The following PCDH15 variants were observed in gnomAD, a reference collection of about 807,000 sequenced individuals.
The protein encoded by PCDH15 is protocadherin related 15, also known as protocadherin-15.
Under a neutral mutation model 178.5 loss-of-function variants are expected in PCDH15, and 129 were observed. The ratio of observed to expected loss-of-function variants is 0.72; its 90% confidence interval spans 0.63 to 0.84. The LOEUF (loss-of-function observed/expected upper bound fraction) is 0.84, where lower values mean the gene tolerates loss of function less well. PCDH15 is among the 40% of genes least tolerant of loss of function. The probability of loss-of-function intolerance (pLI) is 0.00; values close to 1 mark genes in which losing one functional copy is unlikely to be tolerated. For missense variants in PCDH15, 2,230 were observed against 2,099.9 expected (o/e 1.06, Z -1.21); for synonymous variants, 800 against 732.0 (o/e 1.09, Z -1.50).
intron 2 of PCDH15, among the ~76,000 whole-genome samples, chr10:54,902,772 T>C (rs1456081051): frequency 6.6e-6 from 1 of 152,166 alleles, no homozygotes; most frequent in African/African-American, 2.4e-5. Context: ...AATAAATTCA[T>C]GGAATGTTTG....
chr10:54,081,495 C>T (rs1386615861), intron 16 of PCDH15, among the ~76,000 whole-genome samples: 9 of 151,918 alleles, frequency 5.9e-5, no homozygotes, highest in South Asian at 2.1e-4. Context: ...ATGTAATACG[C>T]GGGCCTTGCG....
At chr10:54,942,629 CATT>C in intron 2 of PCDH15, among the ~76,000 whole-genome samples, 1 of 152,124 alleles carries the variant, frequency 6.6e-6, no homozygotes, top group South Asian at 2.1e-4. Flanking sequence ...CATCTGCACA[CATT>C]ATAATCTCAG....
chr10:54,026,719 G>A (rs143933304), intron 18 of PCDH15, among the ~76,000 whole-genome samples: 1 of 152,280 alleles, frequency 6.6e-6, no homozygotes, highest in East Asian at 1.9e-4. Context: ...TGCAGAAAAA[G>A]CGTTTGACAA....
intron 1 of PCDH15, among the ~76,000 whole-genome samples, chr10:55,225,708 G>C (rs983250319): frequency 1.3e-5 from 2 of 151,548 alleles, no homozygotes; most frequent in East Asian, 3.9e-4. Flanking sequence ...AAAAGCAGGA[G>C]GATTAATTAA....
Position 54,564,461 on chromosome 10 carries a change from T to C in PCDH15, c.92-36584A>G, listed in dbSNP as rs368858552. Among the ~76,000 whole-genome samples, 24 of 152,280 alleles carry C rather than the reference T, an allele frequency of 1.6e-4. No homozygotes were observed. In the East Asian group the frequency reaches 2.1e-3, roughly 13 times the overall value. On this transcript the variant is annotated intron_variant, in intron 2 of 37. Transcript: ENST00000644397. ...GCTGTTTCCATGTTTACCTTTAGTG[T>C]AGTAGATAAAGGCTATCTCAAATAA...
At chr10:55,622,012 T>C (rs1472164506) in intron 2 of PCDH15, among the ~76,000 whole-genome samples, 2 of 142,338 alleles carry the variant, frequency 1.4e-5, no homozygotes, top group Non-Finnish European at 3.0e-5. Flanking sequence ...TATGTATATA[T>C]AATAAATATT....
intron 14 of PCDH15, among the ~76,000 whole-genome samples, chr10:54,147,518 TATAAG>T (rs1188034137): frequency 6.6e-6 from 1 of 151,818 alleles, no homozygotes; most frequent in Non-Finnish European, 1.5e-5. Context: ...AAAAGAGGAA[TATAAG>T]ATCTCATTCA....
intron 2 of PCDH15, among the ~76,000 whole-genome samples, chr10:54,661,927 T>G (rs1358607541): frequency 1.3e-5 from 2 of 151,806 alleles, no homozygotes; most frequent in Non-Finnish European, 2.9e-5. Flanking sequence ...AAATTTAAAT[T>G]TAAGACCTAA....
intron 2 of PCDH15, among the ~76,000 whole-genome samples, chr10:54,597,135 C>T (rs933779254): frequency 1.1e-4 from 16 of 152,224 alleles, no homozygotes; most frequent in Admixed American, 2.6e-4. Context: ...CAAAAAACAA[C>T]ATAATGTACA....
chr10:53,891,323 G>T (rs890846940), intron 26 of PCDH15, among the ~76,000 whole-genome samples: 2 of 152,092 alleles, frequency 1.3e-5, no homozygotes, highest in Non-Finnish European at 2.9e-5. Flanking sequence ...TGGAGGATGT[G>T]GCCTTTGAAA....
intron 2 of PCDH15, among the ~76,000 whole-genome samples, chr10:55,401,166 C>G (rs1296762358): frequency 6.6e-6 from 1 of 151,970 alleles, no homozygotes; most frequent in Non-Finnish European, 1.5e-5. Flanking sequence ...AAACTAGCTT[C>G]GGGAACACTA....
chr10:54,106,945 T>C (rs1214797861), intron 15 of PCDH15, among the ~76,000 whole-genome samples: 1 of 152,218 alleles, frequency 6.6e-6, no homozygotes, highest in Non-Finnish European at 1.5e-5. Flanking sequence ...GATCAGTTTA[T>C]TCAAGAAATA....
rs2094620476 is a variant in PCDH15 at position 54,092,705 on chromosome 10, G to A, written c.1918-2642C>T. Among the ~76,000 whole-genome samples, 4 of 152,074 alleles carry A rather than the reference G, an allele frequency of 2.6e-5. No individual in the cohort carries two copies. The South Asian group carries it at 8.3e-4, about 31-fold the overall frequency. On this transcript the variant is annotated intron_variant, in intron 15 of 37. Coordinates refer to ENST00000644397, the MANE Select transcript of PCDH15 (RefSeq NM_001384140.1). ...TTCCCTTGCATTCTGTTCTTTGCTA[G>A]ATAGGAACCACAAATAATGATACTC...
intron 2 of PCDH15, among the ~76,000 whole-genome samples, chr10:55,023,742 A>C (rs1007129755): frequency 8.5e-6 from 1 of 118,060 alleles, no homozygotes; most frequent in Admixed American, 8.6e-5. Flanking sequence ...ACAGTGTCTC[A>C]AATATCCTAT....
intron 1 of PCDH15, among the ~76,000 whole-genome samples, chr10:55,318,109 G>A (rs565226498): frequency 2.0e-5 from 3 of 151,950 alleles, no homozygotes; most frequent in Non-Finnish European, 4.4e-5. Flanking sequence ...CTTTGGTACT[G>A]ATGGAGCAAA....
rs546581054 is a variant in PCDH15, at chr10:53,806,267, TATAA to T, written c.*308_*311del. ...GCATAATCTATGTTAATCAATAAAA[TATAA>T]ATGATTATTTAGTAATTATTTCTTG... On this transcript the variant is annotated 3_prime_UTR_variant, in exon 38 of 38. Coordinates refer to ENST00000644397, the MANE Select transcript of PCDH15 (RefSeq NM_001384140.1). 2.1e-3 allele frequency: 513 copies of T among 238,992 alleles called. 1 individual carries two copies. The highest frequency in any genetic ancestry group is 3.0e-3 in the Non-Finnish European group (374 of 123,046). The allele number at this position is 238,992 out of a possible 1,614,324, so 14.8% of individuals were successfully genotyped here.
chr10:54,843,331 A>G, intron 3 of PCDH15, among the ~76,000 whole-genome samples: 1 of 151,954 alleles, frequency 6.6e-6, no homozygotes, highest in South Asian at 2.1e-4. Context: ...AAGCTTAACA[A>G]TCAGGCAAAT....
At chr10:54,442,228 T>C (rs1484995032) in intron 3 of PCDH15, among the ~76,000 whole-genome samples, 1 of 150,502 alleles carries the variant, frequency 6.6e-6, no homozygotes, top group African/African-American at 2.4e-5. Flanking sequence ...GTAGTGAGGG[T>C]AAAGTGTAAG....
chr10:54,803,525 G>A (rs1952726001), upstream of PCDH15, among the ~76,000 whole-genome samples: 1 of 152,088 alleles, frequency 6.6e-6, no homozygotes, highest in Non-Finnish European at 1.5e-5. Context: ...CTGAGGAAGA[G>A]GCACCGTTTT....
Sources: allele counts gnomAD v4.1 joint callset (sites outside exome capture counted in the v4.1 genomes callset), GRCh38; gene constraint gnomAD v4.1.1; transcripts MANE v1.5; gene names NCBI Gene and HGNC (gene_info 2026-07-23, HGNC 2026-07-21).